Variants in ESR1 observed in about 807,000 individuals in gnomAD.
The protein encoded by ESR1 is estrogen receptor 1.
In ESR1, 12 loss-of-function variants were observed where a neutral mutation model predicts 52.7. The observed-to-expected ratio is 0.23, with a 90% CI of 0.15 to 0.37. The LOEUF (loss-of-function observed/expected upper bound fraction) is 0.37, where lower values mean the gene tolerates loss of function less well. ESR1 is among the 10% of genes least tolerant of loss of function. The probability of loss-of-function intolerance (pLI) is 1.00; values close to 1 mark genes in which losing one functional copy is unlikely to be tolerated. For missense variants in ESR1, 584 were observed against 779.7 expected, an observed-to-expected ratio of 0.75 and a Z score of 2.99; for synonymous variants, 305 against 316.8, an observed-to-expected ratio of 0.96 and a Z score of 0.39.
chr6:151,742,313 AT>A (rs1175996704), intron 2 of ESR1, among the ~76,000 whole-genome samples: 1 of 152,082 alleles, frequency 6.6e-6, no homozygotes, highest in Admixed American at 6.5e-5. Flanking sequence ...TCTATTCTTA[AT>A]TTTTTGAGAA....
At chr6:151,796,664 C>G (rs909125700) in intron 2 of ESR1, among the ~76,000 whole-genome samples, 1 of 152,142 alleles carries the variant, frequency 6.6e-6, no homozygotes, top group Non-Finnish European at 1.5e-5. Context: ...GTTTTAATGA[C>G]AAAAACCACA....
intron 3 of ESR1, among the ~76,000 whole-genome samples, chr6:151,899,124 G>C (rs1488536310): frequency 2.1e-5 from 3 of 143,640 alleles, no homozygotes; most frequent in Non-Finnish European, 4.6e-5. Flanking sequence ...CCGGGCGGGG[G>C]GCTGACCCCC....
Position 152,100,771 on chromosome 6 carries a change from G to GAAA in ESR1, c.*1805_*1806insAAA, listed in dbSNP as rs2050938953. On this transcript the variant is annotated 3_prime_UTR_variant, in exon 8 of 8. Coordinates refer to ENST00000206249, the MANE Select transcript of ESR1 (RefSeq NM_000125.4). ...ACCAAAGGACTGAGAATCTGGGAGG[G>GAAA]CAAAAAAAAAAAAAAAGTTTTTATG... The GAAA allele has an allele frequency of 6.1e-6, 1 of 164,112 alleles. No individual in the cohort carries two copies. The highest frequency in any genetic ancestry group is 3.7e-5 in the African/African-American group (1 of 27,106). 10.2% of individuals were successfully genotyped at this position (164,112 alleles called of 1,614,324 possible). A position where few individuals can be genotyped will look rare whatever the true frequency, so the allele number is the denominator to read the frequency against.
intron 1 of ESR1, among the ~76,000 whole-genome samples, chr6:151,664,180 G>C (rs1262488779): frequency 1.3e-5 from 2 of 152,146 alleles, no homozygotes; most frequent in Non-Finnish European, 2.9e-5. Flanking sequence ...ATTCCATGGA[G>C]AAAACTGTGT....
At chr6:151,745,201 A>G (rs1210979828) in intron 2 of ESR1, among the ~76,000 whole-genome samples, 1 of 152,142 alleles carries the variant, frequency 6.6e-6, no homozygotes, top group Non-Finnish European at 1.5e-5. Flanking sequence ...CATGACCTCA[A>G]CCCACCTCCT....
chr6:152,064,665 T>G (rs1052192591), intron 6 of ESR1, among the ~76,000 whole-genome samples: 18 of 152,254 alleles, frequency 1.2e-4, no homozygotes, highest in Admixed American at 9.2e-4. Flanking sequence ...CCTGGATTTT[T>G]CTCTCACTCT....
chr6:151,716,897 T>G (rs79862837), intron 2 of ESR1, among the ~76,000 whole-genome samples: 3,117 of 152,264 alleles, frequency 0.02, 38 homozygotes, highest in East Asian at 0.033. Flanking sequence ...AAAACTCCTG[T>G]AGCTAGTTCG....
At chr6:152,083,195 C>T (rs1385109881) in intron 6 of ESR1, among the ~76,000 whole-genome samples, 6 of 152,100 alleles carry the variant, frequency 3.9e-5, no homozygotes, top group African/African-American at 7.2e-5. Flanking sequence ...GGAGGCATCA[C>T]GCTACCTGAC....
chr6:151,839,620 C>T (rs906698388), intron 1 of ESR1, among the ~76,000 whole-genome samples: 4 of 152,116 alleles, frequency 2.6e-5, no homozygotes, highest in Non-Finnish European at 2.9e-5. Flanking sequence ...AATGGGTAAA[C>T]AAAGTCTGTG....
intron 1 of ESR1, among the ~76,000 whole-genome samples, chr6:151,665,488 C>T (rs1300028008): frequency 6.6e-6 from 1 of 152,178 alleles, no homozygotes; most frequent in South Asian, 2.1e-4. Flanking sequence ...CTGGAAGCCA[C>T]CAGATCCTAG....
At chr6:151,816,847 GC>G (rs1477195964) in intron 1 of ESR1, among the ~76,000 whole-genome samples, 5 of 152,158 alleles carry the variant, frequency 3.3e-5, no homozygotes, top group Non-Finnish European at 7.3e-5. Flanking sequence ...TTCCAGACCA[GC>G]CTGGGCAACA....
chr6:151,967,900 G>A (rs1000626979), intron 4 of ESR1, among the ~76,000 whole-genome samples: 8 of 152,106 alleles, frequency 5.3e-5, no homozygotes, highest in Admixed American at 1.3e-4. Context: ...ATGGTATGTC[G>A]TTCTGGTTTT....
At chr6:151,837,908 T>A (rs74441075) in intron 1 of ESR1, among the ~76,000 whole-genome samples, 1 of 152,242 alleles carries the variant, frequency 6.6e-6, no homozygotes, top group African/African-American at 2.4e-5. Context: ...GGTTAGGGTT[T>A]GTGAAGTCTC....
At chr6:151,923,334 G>T (rs1339920860) in intron 3 of ESR1, among the ~76,000 whole-genome samples, 1 of 152,026 alleles carries the variant, frequency 6.6e-6, no homozygotes, top group Non-Finnish European at 1.5e-5. Flanking sequence ...TCTATTCTTT[G>T]TTCTGTAAAG....
chr6:151,929,196 TC>T (rs1199990488), intron 3 of ESR1, among the ~76,000 whole-genome samples: 26 of 152,326 alleles, frequency 1.7e-4, no homozygotes, highest in African/African-American at 5.0e-4. Context: ...CTTGTCTATT[TC>T]CCCTTTTAGT....
chr6:152,104,879 GGAGAGGCTCTT>G (rs745697187), downstream of ESR1, among the ~76,000 whole-genome samples: 1 of 152,126 alleles, frequency 6.6e-6, no homozygotes, highest in Non-Finnish European at 1.5e-5. Flanking sequence ...TTTGACCTCT[GGAGAGGCTCTT>G]GAGAGGCTCT....
At chr6:151,721,724 T>A (rs1053998600) in intron 2 of ESR1, among the ~76,000 whole-genome samples, 2 of 152,206 alleles carry the variant, frequency 1.3e-5, no homozygotes, top group Admixed American at 6.5e-5. Flanking sequence ...GCTAGAAAGA[T>A]CCCCACCTCT....
intron 3 of ESR1, among the ~76,000 whole-genome samples, chr6:151,902,680 A>G (rs1796867965): frequency 6.6e-6 from 1 of 152,206 alleles, no homozygotes; most frequent in African/African-American, 2.4e-5. Flanking sequence ...TGTTTGTCAA[A>G]TAACGACAAT....
intron 2 of ESR1, among the ~76,000 whole-genome samples, chr6:151,732,648 T>C (rs1200230819): frequency 6.6e-6 from 1 of 152,064 alleles, no homozygotes; most frequent in South Asian, 2.1e-4. Context: ...TTTAAGAGCA[T>C]TTTTGGATAT....
Sources: gnomAD v4.1 joint callset for allele counts (sites outside exome capture counted in the v4.1 genomes callset) on GRCh38, gnomAD v4.1.1 for gene constraint, MANE v1.5 for transcripts, NCBI Gene and HGNC (gene_info 2026-07-23, HGNC 2026-07-21) for gene names.